Variants in KLHDC7A observed in about 807,000 individuals in gnomAD.
The protein encoded by KLHDC7A is kelch domain containing 7A, also known as kelch domain-containing protein 7A.
For missense variants in KLHDC7A, 1,123 were observed against 1,052.6 expected (o/e 1.07, Z -0.93); for synonymous variants, 464 against 461.0 (o/e 1.01, Z -0.08).
Position 18,483,116 on chromosome 1 carries a change from A to C in KLHDC7A, c.2135A>C (p.Tyr712Ser). Residue 712 changes from tyrosine (Y) to serine (S), a missense_variant, in exon 1 of 1, where the codon TAC (tyrosine) becomes TCC (serine). Tyr to Ser is a moderately radical substitution (Grantham distance 144, BLOSUM62 -2). Coordinates refer to ENST00000400664, the MANE Select transcript of KLHDC7A (RefSeq NM_152375.3). ...GAGTGCGCCACGTACCGGACGCCTT[A>C]CCCGGATGCCTTCCAGTGCGCCGTG... is the stretch of plus-strand genomic sequence containing the variant. Reference protein sequence around the residue: ...WYECATYRTPYPDAFQCAVVD... With the variant: ...WYECATYRTPSPDAFQCAVVD... The C allele has an allele frequency of 6.2e-7, 1 of 1,613,882 alleles. No individual in the cohort carries two copies. The highest frequency in any genetic ancestry group is 8.5e-7 in the Non-Finnish European group (1 of 1,180,024).
At position 18,482,179 on chromosome 1, in the gene KLHDC7A, A is replaced by G; in HGVS notation, c.1198A>G (p.Arg400Gly). ...PDPGALPGLG[R>G]SSREPHVQPV... ...CCCGGGCGCCCTGCCTGGCTTAGGC[A>G]GAAGCAGCCGGGAGCCCCATGTGCA... Residue 400 changes from arginine (R) to glycine (G), a missense_variant, in exon 1 of 1, where the codon AGA (arginine) becomes GGA (glycine). Arg to Gly is a moderately radical substitution (Grantham distance 125). Transcript: ENST00000400664. 1 of 1,611,332 alleles carries G rather than the reference A, an allele frequency of 6.2e-7. No individual in the cohort carries two copies. Among genetic ancestry groups the G allele is most frequent in the South Asian group, 1.1e-5 (1 of 91,062 alleles).
rs1306521898 is a variant in KLHDC7A at position 18,481,221 on chromosome 1, A to G, written c.240A>G (p.Pro80=). The change falls in exon 1 of 1, where the codon CCA becomes CCG. Residue 80 remains proline, a synonymous_variant. Transcript: ENST00000400664. The part of the protein sequence containing the change: ...EASPGVLLRG[P]RRRRSSKRAE... ...CTCCTGGGGTGCTCCTGAGGGGGCC[A>G]AGACGTCGGAGGAGCAGCAAGCGGG... 15 of 1,586,368 alleles carry G rather than the reference A, an allele frequency of 9.5e-6. No individual in the cohort carries two copies. Among genetic ancestry groups the G allele is most frequent in the African/African-American group, 1.3e-5 (1 of 74,220 alleles).
rs1196918808 is a variant in KLHDC7A at position 18,481,693 on chromosome 1, G to C, written c.712G>C (p.Ala238Pro). The C allele has an allele frequency of 2.5e-6, 4 of 1,613,978 alleles. No homozygotes were observed. In the African/African-American group the frequency reaches 5.3e-5, roughly 22 times the overall value. Reference protein sequence around the residue: ...VIGVSREEAGALEAASDVDLT... With the variant: ...VIGVSREEAGPLEAASDVDLT... ...AGGGGTCAGCAGAGAAGAGGCTGGG[G>C]CTCTCGAGGCTGCCTCCGATGTTGA... is the stretch of plus-strand genomic sequence containing the variant. Residue 238 changes from alanine (A) to proline (P), a missense_variant, in exon 1 of 1, where the codon GCT (alanine) becomes CCT (proline). Coordinates refer to ENST00000400664, the MANE Select transcript of KLHDC7A (RefSeq NM_152375.3).
In KLHDC7A at chr1:18,482,012, A is replaced by G. The variant is rs1480407941; in HGVS notation, c.1031A>G (p.Glu344Gly). The change falls in exon 1 of 1, where the codon GAA (glutamate) becomes GGA (glycine). Residue 344 changes from glutamate to glycine, a missense_variant. Glu to Gly is a moderately conservative substitution (Grantham distance 98). Transcript: ENST00000400664. Reference protein sequence around the residue: ...GQAGDTKGAAERAASPQTGPW... With the variant: ...GQAGDTKGAAGRAASPQTGPW... ...GCCGGTGACACAAAGGGTGCAGCCG[A>G]AAGAGCCGCCTCCCCGCAGACAGGG... 2.5e-6 allele frequency: 4 copies of G among 1,612,744 alleles called. No homozygotes were observed. The highest frequency in any genetic ancestry group is 3.3e-4 in the Middle Eastern group (2 of 6,078).
Position 18,482,339 on chromosome 1 carries a change from C to T in KLHDC7A, c.1358C>T (p.Ala453Val), listed in dbSNP as rs77562571. Residue 453 changes from alanine to valine, a missense_variant, in exon 1 of 1, where the codon GCG becomes GTG. Physicochemically the swap from Ala to Val is moderately conservative, Grantham distance 64. Coordinates refer to ENST00000400664, the MANE Select transcript of KLHDC7A (RefSeq NM_152375.3). ...CAGAACCTGGAGGCCCTGAAAGAGGCGGCCTACAAGGTGATGAGCGAAAAC... is the reference window on the plus strand; with the variant it reads ...CAGAACCTGGAGGCCCTGAAAGAGGTGGCCTACAAGGTGATGAGCGAAAAC... ...KRQNLEALKEAAYKVMSENYL... is the reference protein window; with the variant it reads ...KRQNLEALKEVAYKVMSENYL... 3 of 1,602,276 alleles carry T rather than the reference C, an allele frequency of 1.9e-6. No homozygotes were observed. The highest frequency in any genetic ancestry group is 1.6e-4 in the Middle Eastern group (1 of 6,062).
rs2086911546 is a variant in KLHDC7A at position 18,483,241 on chromosome 1, C to T, written c.2260C>T (p.Pro754Ser). The change falls in exon 1 of 1, where the codon CCG becomes TCG. Residue 754 changes from proline (P) to serine (S), a missense_variant. Physicochemically the swap from Pro to Ser is moderately conservative, Grantham distance 74 (BLOSUM62 -1). Coordinates refer to ENST00000400664, the MANE Select transcript of KLHDC7A (RefSeq NM_152375.3). ...RFVPKELRSFPAPQGTLLPTV... is the reference protein window; with the variant it reads ...RFVPKELRSFSAPQGTLLPTV... Reference sequence around the variant, plus strand: ...TGTGCCCAAGGAGCTGCGGAGTTTCCCGGCCCCGCAGGGCACCCTCCTGCC... The same window carrying T: ...TGTGCCCAAGGAGCTGCGGAGTTTCTCGGCCCCGCAGGGCACCCTCCTGCC... 6.2e-7 allele frequency: 1 copy of T among 1,613,946 alleles called. No homozygotes were observed.
At position 18,481,520 on chromosome 1, in the gene KLHDC7A, G is replaced by A; in HGVS notation, c.539G>A (p.Cys180Tyr). 1 of 1,613,364 alleles carries A rather than the reference G, an allele frequency of 6.2e-7. No individual in the cohort carries two copies. ...AGLIAAADGS[C>Y]AGGEPSPWQD... ...CTCATTGCAGCAGCCGACGGCAGCT[G>A]TGCCGGTGGTGAGCCTTCTCCATGG... The change falls in exon 1 of 1, where the codon TGT (cysteine) becomes TAT (tyrosine). Residue 180 changes from cysteine to tyrosine, a missense_variant. Physicochemically the swap from Cys to Tyr is radical, Grantham distance 194. Transcript: ENST00000400664.
chr1:18,482,826 CCCG>C lies in KLHDC7A; in HGVS notation c.1850_1852del (p.Pro617del). 2 of 1,610,684 alleles carry C rather than the reference CCCG, an allele frequency of 1.2e-6. No individual in the cohort carries two copies. Reference sequence around the variant, plus strand: ...CCCGCCTGGACCGCTGGGACTTTGCCCCGCCGCTCCCCAGTGACACGTTCGCCC... The same window carrying C: ...CCCGCCTGGACCGCTGGGACTTTGCCCCGCTCCCCAGTGACACGTTCGCCC... On this transcript the variant is annotated inframe_deletion, in exon 1 of 1. Coordinates refer to ENST00000400664, the MANE Select transcript of KLHDC7A (RefSeq NM_152375.3).
At position 18,483,574 on chromosome 1, in the gene KLHDC7A, A is replaced by G; in HGVS notation, c.*259A>G. The G allele has an allele frequency of 7.2e-7, 1 of 1,387,370 alleles. No homozygotes were observed. Among genetic ancestry groups the G allele is most frequent in the Non-Finnish European group, 9.4e-7 (1 of 1,062,782 alleles). The allele number at this position is 1,387,370 out of a possible 1,614,324, so 85.9% of individuals were successfully genotyped here. On this transcript the variant is annotated 3_prime_UTR_variant, in exon 1 of 1. Transcript: ENST00000400664. ...CAAGGCAGAAGGCATTCATGTCTTC[A>G]GGGATGACCGCCCTTGCTTCAACTC...
rs146912206 is a variant in KLHDC7A, at chr1:18,483,281, T to C, written c.2300T>C (p.Leu767Ser). The C allele has an allele frequency of 1.2e-6, 2 of 1,613,622 alleles. No individual in the cohort carries two copies. The highest frequency in any genetic ancestry group is 1.7e-5 in the Admixed American group (1 of 60,028). Residue 767 changes from leucine (L) to serine (S), a missense_variant, in exon 1 of 1, where the codon TTG (leucine) becomes TCG (serine). Physicochemically the swap from Leu to Ser is moderately radical, Grantham distance 145. Coordinates refer to ENST00000400664, the MANE Select transcript of KLHDC7A (RefSeq NM_152375.3). ...QGTLLPTVLTLPTPDLPQTRV is the reference protein window; with the variant it reads ...QGTLLPTVLTSPTPDLPQTRV ...ACCCTCCTGCCCACCGTCCTGACCT[T>C]GCCCACCCCCGATTTGCCTCAGACC...
rs1163496585 is a variant in KLHDC7A at position 18,482,803 on chromosome 1, C to T, written c.1822C>T (p.Arg608Cys). 1.2e-6 allele frequency: 2 copies of T among 1,609,276 alleles called. No homozygotes were observed. The highest frequency in any genetic ancestry group is 1.7e-6 in the Non-Finnish European group (2 of 1,178,372). The change falls in exon 1 of 1, where the codon CGC (arginine) becomes TGC (cysteine). Residue 608 changes from arginine to cysteine, a missense_variant. Arg to Cys is a radical substitution (Grantham distance 180). Transcript: ENST00000400664. Reference sequence around the variant, plus strand: ...GAACTCGGTGGAGCGTTACGACCCCCGCCTGGACCGCTGGGACTTTGCCCC... The same window carrying T: ...GAACTCGGTGGAGCGTTACGACCCCTGCCTGGACCGCTGGGACTTTGCCCC... ...CLNSVERYDPRLDRWDFAPPL... is the reference protein window; with the variant it reads ...CLNSVERYDPCLDRWDFAPPL...
rs1040362071 is a variant in KLHDC7A, at chr1:18,482,211, G to A, written c.1230G>A (p.Val410=). ...RSSREPHVQP[V]AGTNFFHIPL... ...GCCGGGAGCCCCATGTGCAGCCGGT[G>A]GCCGGGACCAATTTCTTCCATATCC... The change falls in exon 1 of 1, where the codon GTG becomes GTA. Residue 410 remains valine, a synonymous_variant. Coordinates refer to ENST00000400664, the MANE Select transcript of KLHDC7A (RefSeq NM_152375.3). The A allele has an allele frequency of 1.2e-6, 2 of 1,610,092 alleles. No individual in the cohort carries two copies. Among genetic ancestry groups the A allele is most frequent in the African/African-American group, 1.3e-5 (1 of 75,058 alleles).
In KLHDC7A at chr1:18,483,357, C is replaced by G. The variant is rs1557446381; in HGVS notation, c.*42C>G. The G allele has an allele frequency of 1.3e-6, 2 of 1,581,138 alleles. No individual in the cohort carries two copies. The highest frequency in any genetic ancestry group is 1.7e-6 in the Non-Finnish European group (2 of 1,161,448). On this transcript the variant is annotated 3_prime_UTR_variant, in exon 1 of 1. Coordinates refer to ENST00000400664, the MANE Select transcript of KLHDC7A (RefSeq NM_152375.3). ...CTCCTCATGCAAAGCTGGGGGCCAC[C>G]GGGCTCCACTGCCAGCCGTCCCTCT... is the stretch of plus-strand genomic sequence containing the variant.
rs1489261657 is a variant in KLHDC7A at position 18,483,077 on chromosome 1, C to G, written c.2096C>G (p.Thr699Ser). Reference protein sequence around the residue: ...GIAVYRCSASTRLWYECATYR... With the variant: ...GIAVYRCSASSRLWYECATYR... Reference sequence around the variant, plus strand: ...GCCGTGTACCGCTGCAGCGCCAGCACCCGGCTCTGGTACGAGTGCGCCACG... The same window carrying G: ...GCCGTGTACCGCTGCAGCGCCAGCAGCCGGCTCTGGTACGAGTGCGCCACG... Residue 699 changes from threonine to serine, a missense_variant, in exon 1 of 1, where the codon ACC becomes AGC. Coordinates refer to ENST00000400664, the MANE Select transcript of KLHDC7A (RefSeq NM_152375.3). The G allele has an allele frequency of 6.2e-7, 1 of 1,613,772 alleles. No homozygotes were observed. The highest frequency in any genetic ancestry group is 2.2e-5 in the East Asian group (1 of 44,874).
Position 18,483,488 on chromosome 1 carries a change from T to G in KLHDC7A, c.*173T>G. On this transcript the variant is annotated 3_prime_UTR_variant, in exon 1 of 1. Transcript: ENST00000400664. The stretch of plus-strand genomic sequence containing the variant: ...TGGGGAGAGAGGGATCTTAGATGAG[T>G]CTTACCCTTCATGGGCTGCAGAGGC... 1 of 1,449,410 alleles carries G rather than the reference T, an allele frequency of 6.9e-7. No individual in the cohort carries two copies. 89.8% of individuals were successfully genotyped at this position (1,449,410 alleles called of 1,614,324 possible).
At position 18,482,958 on chromosome 1, in the gene KLHDC7A, C is replaced by A. The variant is rs1378061584; in HGVS notation, c.1977C>A (p.Ala659=). The A allele has an allele frequency of 1.2e-6, 2 of 1,612,252 alleles. No homozygotes were observed. Among genetic ancestry groups the A allele is most frequent in the Non-Finnish European group, 1.7e-6 (2 of 1,179,672 alleles). ...RFSAQEQRWW[A]GPTGGSKDRT... is the part of the protein sequence containing the mutation. Reference sequence around the variant, plus strand: ...CTGCGCAGGAGCAGCGCTGGTGGGCCGGCCCCACCGGGGGCAGCAAGGACC... The same window carrying A: ...CTGCGCAGGAGCAGCGCTGGTGGGCAGGCCCCACCGGGGGCAGCAAGGACC... The change falls in exon 1 of 1, where the codon GCC becomes GCA. Residue 659 remains alanine, a synonymous_variant. Transcript: ENST00000400664.
In KLHDC7A at chr1:18,483,852, G is replaced by A; in HGVS notation, c.*537G>A. 1.6e-6 allele frequency: 2 copies of A among 1,255,488 alleles called. No individual in the cohort carries two copies. Among genetic ancestry groups the A allele is most frequent in the South Asian group, 1.4e-5 (1 of 71,000 alleles). 77.8% of individuals were successfully genotyped at this position (1,255,488 alleles called of 1,614,324 possible). On this transcript the variant is annotated 3_prime_UTR_variant, in exon 1 of 1. Coordinates refer to ENST00000400664, the MANE Select transcript of KLHDC7A (RefSeq NM_152375.3). ...GTGACTTGGGCAGGGCCAGGAAGGA[G>A]CCGAGGGAGCCCCAGGGGCCCTGGC...
Position 18,482,883 on chromosome 1 carries a change from G to A in KLHDC7A, c.1902G>A (p.Lys634=). ...ALAHTATVRA[K]EIFVTGGSLR... ...CGCACACGGCCACGGTGCGTGCCAA[G>A]GAAATCTTCGTCACCGGCGGCTCGC... is the stretch of plus-strand genomic sequence containing the variant. Residue 634 remains lysine (K), a synonymous_variant, in exon 1 of 1, where the codon AAG becomes AAA. Transcript: ENST00000400664. 6.2e-7 allele frequency: 1 copy of A among 1,611,792 alleles called. No homozygotes were observed. The highest frequency in any genetic ancestry group is 8.5e-7 in the Non-Finnish European group (1 of 1,179,704).
At position 18,483,695 on chromosome 1, in the gene KLHDC7A, C is replaced by G; in HGVS notation, c.*380C>G. On this transcript the variant is annotated 3_prime_UTR_variant, in exon 1 of 1. Coordinates refer to ENST00000400664, the MANE Select transcript of KLHDC7A (RefSeq NM_152375.3). Reference sequence around the variant, plus strand: ...CTAGGAGCCAGTTGACCCCAGCAGCCCCTCGCTAGTTGCTCTGGAGAGGGG... The same window carrying G: ...CTAGGAGCCAGTTGACCCCAGCAGCGCCTCGCTAGTTGCTCTGGAGAGGGG... 8.4e-7 allele frequency: 1 copy of G among 1,194,230 alleles called. No homozygotes were observed. The highest frequency in any genetic ancestry group is 1.1e-6 in the Non-Finnish European group (1 of 940,116). 74.0% of individuals were successfully genotyped at this position (1,194,230 alleles called of 1,614,324 possible). A position where few individuals can be genotyped will look rare whatever the true frequency, so the allele number is the denominator to read the frequency against.
Sources: allele counts gnomAD v4.1 joint callset, GRCh38; gene constraint gnomAD v4.1.1; transcripts MANE v1.5; gene names NCBI Gene and HGNC (gene_info 2026-07-23, HGNC 2026-07-21).